Variants in RAB3GAP1 observed in about 807,000 individuals in gnomAD.
The protein encoded by RAB3GAP1 is rab3 GTPase-activating protein catalytic subunit.
In RAB3GAP1, 86 loss-of-function variants were observed where a neutral mutation model predicts 130.7. The ratio of observed to expected loss-of-function variants is 0.66; its 90% CI spans 0.55 to 0.79. The LOEUF (loss-of-function observed/expected upper bound fraction) is 0.79, where lower values mean the gene tolerates loss of function less well. Among genes scored for constraint, RAB3GAP1 ranks in the 30% least tolerant of loss-of-function variants. The pLI is 0.00. For synonymous variants in RAB3GAP1, 367 were observed against 401.7 expected (o/e 0.91, Z 1.03); for missense variants, 1,029 against 1,169.4 (o/e 0.88, Z 1.75).
chr2:135,167,566 A>G (rs1553450507), intron 23 of RAB3GAP1: 4 of 739,896 alleles, frequency 5.4e-6, no homozygotes, highest in Non-Finnish European at 8.7e-6. Context: ...TTCTTTTGAT[A>G]GGATCATGTT....
chr2:135,116,119 A>T (rs1373886863), intron 7 of RAB3GAP1, among the ~76,000 whole-genome samples: 1 of 152,194 alleles, frequency 6.6e-6, no homozygotes, highest in Non-Finnish European at 1.5e-5. Flanking sequence ...AGTGCTAAAC[A>T]TGACACTATC....
intron 19 of RAB3GAP1, among the ~76,000 whole-genome samples, chr2:135,158,829 A>AG (rs1692387587): frequency 6.6e-6 from 1 of 152,214 alleles, no homozygotes; most frequent in Non-Finnish European, 1.5e-5. Context: ...ACATTGGGCT[A>AG]TGATACTCTG....
At chr2:135,117,618 TC>T (rs1691044191) in intron 7 of RAB3GAP1, among the ~76,000 whole-genome samples, 2 of 131,360 alleles carry the variant, frequency 1.5e-5, no homozygotes, top group African/African-American at 5.5e-5. Context: ...TTCTTCTGCT[TC>T]TGCTTCTTCT....
At chr2:135,141,678 G>A (rs900735852) in intron 17 of RAB3GAP1, among the ~76,000 whole-genome samples, 1 of 152,086 alleles carries the variant, frequency 6.6e-6, no homozygotes, top group Admixed American at 6.5e-5. Flanking sequence ...TCTTTTGGAA[G>A]CTTTATTGTT....
At chr2:135,121,855 G>A (rs1408002439) in intron 8 of RAB3GAP1, among the ~76,000 whole-genome samples, 1 of 152,154 alleles carries the variant, frequency 6.6e-6, no homozygotes, top group East Asian at 1.9e-4. Context: ...CCCTTTGGGA[G>A]GCCAAGGCAG....
chr2:135,072,224 T>C (rs1689495302), intron 3 of RAB3GAP1, among the ~76,000 whole-genome samples: 2 of 152,198 alleles, frequency 1.3e-5, no homozygotes, highest in Non-Finnish European at 1.5e-5. Context: ...TATTGGATCT[T>C]GTTGGAGGAA....
intron 17 of RAB3GAP1, among the ~76,000 whole-genome samples, chr2:135,146,709 G>T (rs1241393281): frequency 2.0e-5 from 3 of 151,960 alleles, no homozygotes; most frequent in Non-Finnish European, 1.5e-5. Context: ...AGATTAATTT[G>T]CGCATTCTAG....
intron 7 of RAB3GAP1, among the ~76,000 whole-genome samples, chr2:135,116,776 G>A (rs1690982494): frequency 1.3e-5 from 2 of 152,160 alleles, no homozygotes; most frequent in South Asian, 4.1e-4. Flanking sequence ...ATATGTGTAT[G>A]TGTGGCAAAG....
chr2:135,055,963 A>G (rs1239010526), intron 2 of RAB3GAP1, among the ~76,000 whole-genome samples: 1 of 151,646 alleles, frequency 6.6e-6, no homozygotes, highest in African/African-American at 2.4e-5. Flanking sequence ...CAGCCTCCCA[A>G]GTAGCTGGGA....
intron 11 of RAB3GAP1, among the ~76,000 whole-genome samples, chr2:135,127,636 C>T (rs1261103013): frequency 6.6e-6 from 1 of 152,118 alleles, no homozygotes; most frequent in Non-Finnish European, 1.5e-5. Context: ...GCCGCCGCAC[C>T]CGACCTGAAG....
At chr2:135,054,735 G>C (rs1274462543) in intron 2 of RAB3GAP1, among the ~76,000 whole-genome samples, 2 of 152,170 alleles carry the variant, frequency 1.3e-5, no homozygotes, top group Non-Finnish European at 2.9e-5. Context: ...ATATCCTGAA[G>C]TGGAATATTA....
At chr2:135,103,034 G>GTTTTTTTT (rs1355666279) in intron 5 of RAB3GAP1, among the ~76,000 whole-genome samples, 11 of 100,468 alleles carry the variant, frequency 1.1e-4, no homozygotes, top group African/African-American at 2.0e-4. Flanking sequence ...TCATTTTTGT[G>GTTTTTTTT]ATTTTTTTTT....
rs1190059029 is a variant in RAB3GAP1 at position 135,169,986 on chromosome 2, A to G, written c.*1205A>G. ...CCTGTTATTTTTGTAAAAAAAAAAAAAAATACATATCTATATATAATATGT... is the reference window on the plus strand; with the variant it reads ...CCTGTTATTTTTGTAAAAAAAAAAAGAAATACATATCTATATATAATATGT... On this transcript the variant is annotated 3_prime_UTR_variant, in exon 24 of 24. Transcript: ENST00000264158. 2 of 277,944 alleles carry G rather than the reference A, an allele frequency of 7.2e-6. No individual in the cohort carries two copies. The highest frequency in any genetic ancestry group is 1.8e-4 in the East Asian group (2 of 11,000). The allele number at this position is 277,944 out of a possible 1,614,324, so 17.2% of individuals were successfully genotyped here.
At chr2:135,130,808 C>T (rs1232759548) in intron 13 of RAB3GAP1, 87 bp downstream of exon 13, 2 of 1,250,894 alleles carry the variant, frequency 1.6e-6, no homozygotes, top group Non-Finnish European at 2.3e-6. Flanking sequence ...TAGGCAGTGA[C>T]CTTGGAATAT....
chr2:135,102,481 C>T (rs1462801348), intron 5 of RAB3GAP1, among the ~76,000 whole-genome samples: 2 of 152,124 alleles, frequency 1.3e-5, no homozygotes, highest in African/African-American at 2.4e-5. Context: ...TGAACTAATA[C>T]AGAAAGTAAC....
At chr2:135,156,288 A>G (rs1370383499) in intron 19 of RAB3GAP1, among the ~76,000 whole-genome samples, 2 of 152,222 alleles carry the variant, frequency 1.3e-5, no homozygotes, top group African/African-American at 4.8e-5. Context: ...AATGCTACAT[A>G]AATTATTTCA....
Position 135,135,277 on chromosome 2 carries a change from A to G in RAB3GAP1, c.1512A>G (p.Gly504=), listed in dbSNP as rs1691646476. 1.2e-6 allele frequency: 2 copies of G among 1,610,604 alleles called. No individual in the cohort carries two copies. The highest frequency in any genetic ancestry group is 4.5e-5 in the East Asian group (2 of 44,838). ...CTTTATTTGATAGATTAGCAAGTGG[A>G]CCCCCAGATCTGAGGTGTTGTTTAC... ...NNFLIPGLAS[G]PPDLRCCLLH... The change falls in exon 16 of 24, where the codon GGA becomes GGG. Residue 504 remains glycine, a synonymous_variant. Transcript: ENST00000264158.
chr2:135,058,381 T>G (rs1689075196), intron 3 of RAB3GAP1: 1 of 234,522 alleles, frequency 4.3e-6, no homozygotes, highest in African/African-American at 2.3e-5. Flanking sequence ...CTCTTTTGCC[T>G]TCTCCCTTGG....
intron 3 of RAB3GAP1, chr2:135,089,799 G>A (rs370593998): frequency 4.9e-4 from 185 of 381,410 alleles, no homozygotes; most frequent in South Asian, 2.7e-3. Context: ...CATGGATGAA[G>A]CTGGAAACCA....
Sources: gnomAD v4.1 joint callset for allele counts (sites outside exome capture counted in the v4.1 genomes callset) on GRCh38, gnomAD v4.1.1 for gene constraint, MANE v1.5 for transcripts, NCBI Gene and HGNC (gene_info 2026-07-23, HGNC 2026-07-21) for gene names.